Variants in GOLGA8B observed in about 807,000 individuals in gnomAD.
GOLGA8B encodes golgin subfamily A member 8B.
GOLGA8B carries 1 observed loss-of-function variant against 15.6 expected under a neutral mutation model. The ratio of observed to expected loss-of-function variants is 0.06; its 90% CI spans 0.02 to 0.30. The LOEUF is 0.30. Ranked by LOEUF, GOLGA8B falls within the 10% of genes least tolerant of loss-of-function variation. The pLI, the probability that GOLGA8B is intolerant of heterozygous loss-of-function variation, is 1.00. For synonymous variants in GOLGA8B, 9 were observed against 80.3 expected (o/e 0.11, Z 4.75); for missense variants, 17 against 201.3 (o/e 0.08, Z 5.54).
At chr15:34,580,495 A>G (rs916950295) in intron 1 of GOLGA8B, among the ~76,000 whole-genome samples, 13 of 152,246 alleles carry the variant, frequency 8.5e-5, no homozygotes, top group African/African-American at 3.1e-4. Context: ...GGTTCCAGAG[A>G]GAGCCTGGCT....
At chr15:34,580,411 GC>G (rs1889197363) in intron 1 of GOLGA8B, among the ~76,000 whole-genome samples, 2 of 152,198 alleles carry the variant, frequency 1.3e-5, no homozygotes, top group Admixed American at 1.3e-4. Context: ...AACTTGCACA[GC>G]CCAACCTGGG....
intron 1 of GOLGA8B, among the ~76,000 whole-genome samples, chr15:34,574,292 T>C (rs1379762454): frequency 2.1e-5 from 3 of 142,636 alleles, no homozygotes; most frequent in Non-Finnish European, 3.0e-5. Flanking sequence ...CTTTCTCTCC[T>C]TCAAATCAGA....
chr15:34,580,653 G>C (rs1889203064), intron 1 of GOLGA8B, among the ~76,000 whole-genome samples: 1 of 152,096 alleles, frequency 6.6e-6, no homozygotes, highest in Non-Finnish European at 1.5e-5. Flanking sequence ...TGAGACATGA[G>C]CTGGACCCAA....
chr15:34,577,032 C>CT lies in GOLGA8B; in HGVS notation c.-1123+6483dup, dbSNP rs368321824. 1.9e-3 allele frequency among the ~76,000 whole-genome samples: 290 copies of CT among 150,366 alleles called. 2 individuals are homozygous for CT. The highest frequency in any genetic ancestry group is 6.7e-3 in the African/African-American group (277 of 41,268). ...TTCTTGGGATGAGTCAAGACAAACTCTGAGCAGTGACGCTCTACAGCTGGC... is the reference window on the plus strand; with the variant it reads ...TTCTTGGGATGAGTCAAGACAAACTCTTGAGCAGTGACGCTCTACAGCTGGC... On this transcript the variant is annotated intron_variant, in intron 1 of 23. Coordinates refer to ENST00000683415, the MANE Select transcript of GOLGA8B (RefSeq NM_001023567.5).
intron 1 of GOLGA8B, among the ~76,000 whole-genome samples, chr15:34,564,829 C>T (rs1193845515): frequency 1.4e-5 from 2 of 144,090 alleles, no homozygotes; most frequent in African/African-American, 2.5e-5. Flanking sequence ...TGTGGGAGGA[C>T]TTCCTGTGTC....
intron 1 of GOLGA8B, among the ~76,000 whole-genome samples, chr15:34,565,160 A>G (rs1422322917): frequency 1.6e-5 from 2 of 122,722 alleles, no homozygotes; most frequent in African/African-American, 2.9e-5. Flanking sequence ...TTTGAGACGG[A>G]GTCTCACTCT....
intron 1 of GOLGA8B, among the ~76,000 whole-genome samples, chr15:34,566,750 A>G (rs1198789674): frequency 7.2e-6 from 1 of 139,334 alleles, no homozygotes; most frequent in Non-Finnish European, 1.6e-5. Context: ...GGGTCACTGC[A>G]GTGAGGATGG....
At chr15:34,569,584 T>G (rs532456056) in intron 1 of GOLGA8B, among the ~76,000 whole-genome samples, 1 of 151,970 alleles carries the variant, frequency 6.6e-6, no homozygotes, top group Admixed American at 6.6e-5. Flanking sequence ...CAAAAGGCAC[T>G]AGGTTGGCTG....
At chr15:34,576,182 G>C (rs1278533777) in intron 1 of GOLGA8B, among the ~76,000 whole-genome samples, 1 of 152,160 alleles carries the variant, frequency 6.6e-6, no homozygotes, top group Non-Finnish European at 1.5e-5. Flanking sequence ...CCAAAGTGAG[G>C]GGTGGGAATG....
chr15:34,569,502 T>G (rs1374429744), intron 1 of GOLGA8B, among the ~76,000 whole-genome samples: 1 of 151,112 alleles, frequency 6.6e-6, no homozygotes, highest in Non-Finnish European at 1.5e-5. Context: ...CTGCAGCTCC[T>G]GTTGGAAGAG....
At chr15:34,580,787 C>A (rs1432360849) in intron 1 of GOLGA8B, among the ~76,000 whole-genome samples, 1 of 152,164 alleles carries the variant, frequency 6.6e-6, no homozygotes, top group African/African-American at 2.4e-5. Flanking sequence ...CCAGCCCCTG[C>A]CAGGCACACA....
intron 1 of GOLGA8B, among the ~76,000 whole-genome samples, chr15:34,575,106 T>TAAAAAAAAA (rs67726333): frequency 7.2e-6 from 1 of 138,386 alleles, no homozygotes; most frequent in Non-Finnish European, 1.6e-5. Context: ...TAAATCCTTG[T>TAAAAAAAAA]AAAAAAAAAA....
intron 1 of GOLGA8B, 88 bp downstream of exon 1, chr15:34,583,428 C>CCCCCACGCGTCGGGGT (rs1490833340): frequency 6.6e-5 from 10 of 151,634 alleles, no homozygotes; most frequent in African/African-American, 2.4e-4. Flanking sequence ...TCCGCGCCGC[C>CCCCCACGCGTCGGGGT]CCCCACGCGT....
At chr15:34,565,050 T>C (rs12591758) in intron 1 of GOLGA8B, among the ~76,000 whole-genome samples, 13,571 of 142,002 alleles carry the variant, frequency 0.096, 711 homozygotes, top group South Asian at 0.21. Flanking sequence ...ACGGAGAAGG[T>C]GGTTGAGTTT....
intron 1 of GOLGA8B, among the ~76,000 whole-genome samples, chr15:34,576,705 AG>A (rs1467639809): frequency 6.6e-6 from 1 of 152,194 alleles, no homozygotes; most frequent in Non-Finnish European, 1.5e-5. Flanking sequence ...GTCCTGCCTC[AG>A]GGGCTCAGAA....
intron 1 of GOLGA8B, among the ~76,000 whole-genome samples, chr15:34,567,712 G>C (rs551219596): frequency 1.3e-5 from 2 of 151,808 alleles, no homozygotes; most frequent in South Asian, 2.1e-4. Context: ...TGACGCACAC[G>C]GGCAGATATT....
intron 1 of GOLGA8B, among the ~76,000 whole-genome samples, chr15:34,573,623 T>C (rs1888986185): frequency 6.6e-6 from 1 of 152,090 alleles, no homozygotes; most frequent in African/African-American, 2.4e-5. Flanking sequence ...AGTCCGTTTT[T>C]CTGAAAACAT....
intron 1 of GOLGA8B, among the ~76,000 whole-genome samples, chr15:34,577,362 C>G (rs1889110182): frequency 6.6e-6 from 1 of 152,088 alleles, no homozygotes; most frequent in African/African-American, 2.4e-5. Flanking sequence ...GATAATCAAA[C>G]CAACTGCGGG....
intron 1 of GOLGA8B, among the ~76,000 whole-genome samples, chr15:34,554,347 T>C (rs1381912742): frequency 1.3e-5 from 2 of 152,244 alleles, no homozygotes; most frequent in Non-Finnish European, 2.9e-5. Context: ...CATGTGTGCA[T>C]GTGTGTGCAT....
Sources: allele counts gnomAD v4.1 joint callset (sites outside exome capture counted in the v4.1 genomes callset), GRCh38; gene constraint gnomAD v4.1.1; transcripts MANE v1.5; gene names NCBI Gene and HGNC (gene_info 2026-07-23, HGNC 2026-07-21).